The following P4HA2 variants were observed in gnomAD, a reference collection of about 807,000 sequenced individuals.
The protein encoded by P4HA2 is prolyl 4-hydroxylase subunit alpha-2.
Under a neutral mutation model 76.9 loss-of-function variants are expected in P4HA2, and 46 were observed. The ratio of observed to expected loss-of-function variants is 0.60; its 90% CI spans 0.47 to 0.76. P4HA2 has a LOEUF of 0.76. P4HA2 is among the 30% of genes least tolerant of loss of function. P4HA2 has a pLI of 0.00. For synonymous variants in P4HA2, 243 were observed against 254.0 expected (o/e 0.96, Z 0.41); for missense variants, 583 against 669.4 (o/e 0.87, Z 1.42).
rs1752433493 is a variant in P4HA2 at position 132,207,977 on chromosome 5, C to A, written c.904-93G>T. The A allele has an allele frequency of 6.4e-6, 6 of 940,232 alleles. No homozygotes were observed. In the South Asian group the frequency reaches 7.0e-5, roughly 11 times the overall value. 58.2% of individuals were successfully genotyped at this position (940,232 alleles called of 1,614,324 possible). A position where few individuals can be genotyped will look rare whatever the true frequency, so the allele number is the denominator to read the frequency against. ...TGCAGACACTGGACTCACCTCATGG[C>A]CAGCAGCTGCTCCCTCCCACCACAC... is the stretch of plus-strand genomic sequence containing the variant. On this transcript the variant is annotated intron_variant, in intron 7 of 14. Coordinates refer to ENST00000360568, the MANE Select transcript of P4HA2 (RefSeq NM_001017974.2).
chr5:132,210,630 G>C, intron 5 of P4HA2, 107 bp from the exon 6 acceptor site: 5 of 1,076,262 alleles, frequency 4.6e-6, no homozygotes, highest in Non-Finnish European at 7.1e-6. Context: ...GCATCACCAA[G>C]CAGAACTCCA....
chr5:132,198,349 C>T lies in P4HA2; in HGVS notation c.1337G>A (p.Gly446Glu). The change falls in exon 12 of 15, where the codon GGG becomes GAG. Residue 446 changes from glycine (G) to glutamate (E), a missense_variant. Coordinates refer to ENST00000360568, the MANE Select transcript of P4HA2 (RefSeq NM_001017974.2). ...GTTAAGAAACGTCGCTAACCTATTC[C>T]CCTCTGTTTTGAGGCCGCTGTCAAA... ...RPFDSGLKTE[G>E]NRLATFLNYM... The T allele has an allele frequency of 6.2e-7, 1 of 1,613,876 alleles. No individual in the cohort carries two copies. The highest frequency in any genetic ancestry group is 8.5e-7 in the Non-Finnish European group (1 of 1,180,026).
intron 14 of P4HA2, chr5:132,193,300 A>G (rs1750125211): frequency 1.1e-5 from 5 of 439,368 alleles, no homozygotes; most frequent in Admixed American, 3.7e-5. Context: ...ACATGTGTGC[A>G]GGTTGCCATG....
chr5:132,223,570 C>T (rs1428525101), intron 1 of P4HA2, among the ~76,000 whole-genome samples: 1 of 152,196 alleles, frequency 6.6e-6, no homozygotes, highest in Non-Finnish European at 1.5e-5. Flanking sequence ...CTGCACCTCA[C>T]TTTTGTTTTC....
intron 7 of P4HA2, 137 bp from the exon 8 acceptor site, chr5:132,208,021 T>TGCCCA: frequency 1.6e-6 from 1 of 638,314 alleles, no homozygotes; most frequent in Non-Finnish European, 2.7e-6. Context: ...AAAACAAAAG[T>TGCCCA]CCCAGCAGGT....
At position 132,210,213 on chromosome 5, in the gene P4HA2, C is replaced by CAGAT. The variant is rs1491204179; in HGVS notation, c.709+67_709+70dup. The CAGAT allele has an allele frequency of 5.8e-6, 9 of 1,553,660 alleles. No homozygotes were observed. The African/African-American group carries it at 8.1e-5, about 14-fold the overall frequency. Reference sequence around the variant, plus strand: ...ACTCAGTCCCAGGAGAGGGGTCAGGCAGATGCCAGCACAGTGCAGTTCCTC... The same window carrying CAGAT: ...ACTCAGTCCCAGGAGAGGGGTCAGGCAGATAGATGCCAGCACAGTGCAGTTCCTC... On this transcript the variant is annotated intron_variant, in intron 6 of 14. Transcript: ENST00000360568.
In P4HA2 at chr5:132,190,408, G is replaced by A. The variant is rs147276504; in HGVS notation, c.*2602C>T. ...GGGTCTACCAATGGAAGCCACTAGA[G>A]GGAGATTAGACGGCAGTAGATAGCA... On this transcript the variant is annotated 3_prime_UTR_variant, in exon 15 of 15. Transcript: ENST00000360568. Among the ~76,000 whole-genome samples the A allele has an allele frequency of 2.7e-3, 414 of 152,296 alleles. 3 individuals are homozygous for A. Among genetic ancestry groups the A allele is most frequent in the African/African-American group, 9.2e-3 (381 of 41,562 alleles).
At chr5:132,202,673 T>A (rs1402830845) in intron 10 of P4HA2, 3 of 152,370 alleles carry the variant, frequency 2.0e-5, no homozygotes, top group African/African-American at 4.8e-5. Context: ...GAGGACACTT[T>A]ACTAAGCTTT....
chr5:132,191,330 G>A lies in P4HA2; in HGVS notation c.*1680C>T, dbSNP rs1412898127. Among the ~76,000 whole-genome samples the A allele has an allele frequency of 6.6e-6, 1 of 151,732 alleles. No individual in the cohort carries two copies. The highest frequency in any genetic ancestry group is 1.9e-4 in the East Asian group (1 of 5,166). On this transcript the variant is annotated 3_prime_UTR_variant, in exon 15 of 15. Coordinates refer to ENST00000360568, the MANE Select transcript of P4HA2 (RefSeq NM_001017974.2). The stretch of plus-strand genomic sequence containing the variant: ...GATCGAGACCATCCCGGCTAAAACG[G>A]TGAAACCCCGTCTCTACTAAAAATA...
At chr5:132,200,756 T>C (rs1751381236) in intron 10 of P4HA2, 1 of 152,224 alleles carries the variant, frequency 6.6e-6, no homozygotes, top group African/African-American at 2.4e-5. Flanking sequence ...TTAGTGCTTG[T>C]TGCTGGAGCT....
chr5:132,203,500 C>T, intron 10 of P4HA2: 1 of 506,550 alleles, frequency 2.0e-6, no homozygotes, highest in South Asian at 2.3e-5. Flanking sequence ...CATAACTACC[C>T]CTGATCCCTA....
Position 132,198,968 on chromosome 5 carries a change from C to T in P4HA2, c.1252-36G>A, listed in dbSNP as rs762443017. On this transcript the variant is annotated intron_variant, in intron 10 of 14. Transcript: ENST00000360568. ...TAACAGCATTAGACCTTGTAAGCAG[C>T]ATGAACAGCTCTGTAGCAGCCAATC... The T allele has an allele frequency of 4.2e-6, 6 of 1,426,496 alleles. No individual in the cohort carries two copies. In the South Asian group the frequency reaches 6.9e-5, roughly 16 times the overall value. The allele number at this position is 1,426,496 out of a possible 1,614,324, so 88.4% of individuals were successfully genotyped here. A position where few individuals can be genotyped will look rare whatever the true frequency, so the allele number is the denominator to read the frequency against.
intron 8 of P4HA2, among the ~76,000 whole-genome samples, chr5:132,206,142 T>C (rs968019582): frequency 6.0e-4 from 92 of 152,282 alleles, no homozygotes; most frequent in Non-Finnish European, 1.1e-3. Context: ...CACTACCCTC[T>C]GGCCAGCCAC....
chr5:132,208,271 C>T (rs535502011), intron 7 of P4HA2, among the ~76,000 whole-genome samples: 9 of 142,516 alleles, frequency 6.3e-5, no homozygotes, highest in East Asian at 4.0e-4. Flanking sequence ...CCAGCCTGGG[C>T]GACAGGGTGA....
chr5:132,226,465 T>C (rs1324464705), intron 1 of P4HA2, among the ~76,000 whole-genome samples: 2 of 151,816 alleles, frequency 1.3e-5, no homozygotes, highest in East Asian at 1.9e-4. Context: ...TCCTGCACCA[T>C]CTCTCTTTTT....
chr5:132,207,731 T>A lies in P4HA2; in HGVS notation c.1057A>T (p.Ile353Phe). 6.2e-7 allele frequency: 1 copy of A among 1,613,972 alleles called. No homozygotes were observed. The highest frequency in any genetic ancestry group is 8.5e-7 in the Non-Finnish European group (1 of 1,179,934). ...DVMSDEEIERIKEIAKPKLAR... is the reference protein window; with the variant it reads ...DVMSDEEIERFKEIAKPKLAR... ...ACTTTAGGTTTTGCGATCTCCTTGATCCTCTCGATTTCCTCATCAGACATG... is the reference window on the plus strand; with the variant it reads ...ACTTTAGGTTTTGCGATCTCCTTGAACCTCTCGATTTCCTCATCAGACATG... The change falls in exon 8 of 15, where the codon ATC becomes TTC. Residue 353 changes from isoleucine (I) to phenylalanine (F), a missense_variant. By Grantham distance (21) the Ile-to-Phe change is conservative. Transcript: ENST00000360568.
At position 132,191,503 on chromosome 5, in the gene P4HA2, C is replaced by T. The variant is rs528616832; in HGVS notation, c.*1507G>A. ...CTCCAGCCTGGGCGACAGAGCGAGA[C>T]TCCGTCTCAAAAAAAAAAAAAAAAA... On this transcript the variant is annotated 3_prime_UTR_variant, in exon 15 of 15. Transcript: ENST00000360568. 3.0e-5 allele frequency among the ~76,000 whole-genome samples: 4 copies of T among 134,914 alleles called. No homozygotes were observed. The highest frequency in any genetic ancestry group is 1.2e-4 in the African/African-American group (4 of 34,102). 88.5% of individuals were successfully genotyped at this position (134,914 alleles called of 152,430 possible). A position where few individuals can be genotyped will look rare whatever the true frequency, so the allele number is the denominator to read the frequency against.
At chr5:132,203,882 G>C (rs199678265) in intron 9 of P4HA2, 35 bp from the exon 10 acceptor site, 7 of 1,496,822 alleles carry the variant, frequency 4.7e-6, no homozygotes, top group African/African-American at 1.4e-5. Context: ...AAAAGAAGAC[G>C]GAAGGGCAGG....
chr5:132,216,006 CA>C (rs543820655), intron 4 of P4HA2, among the ~76,000 whole-genome samples: 66 of 144,626 alleles, frequency 4.6e-4, no homozygotes, highest in African/African-American at 1.2e-3. Context: ...CTAAAAATAC[CA>C]AAAAAAAATT....
Sources: allele counts gnomAD v4.1 joint callset (sites outside exome capture counted in the v4.1 genomes callset), GRCh38; gene constraint gnomAD v4.1.1; transcripts MANE v1.5; gene names NCBI Gene and HGNC (gene_info 2026-07-23, HGNC 2026-07-21).